The following SCN8A variants were observed in gnomAD, a reference collection of about 807,000 sequenced individuals.
The protein encoded by SCN8A is sodium voltage-gated channel alpha subunit 8, also known as sodium channel protein type 8 subunit alpha.
In SCN8A, 30 loss-of-function variants were observed where a neutral mutation model predicts 184.1. The ratio of observed to expected loss-of-function variants is 0.16; its 90% CI spans 0.12 to 0.22. SCN8A has a LOEUF of 0.22. SCN8A is among the 10% of genes least tolerant of loss of function. SCN8A has a pLI of 1.00. For missense variants in SCN8A, 1,057 were observed against 2,498.9 expected, an observed-to-expected ratio of 0.42 and a Z score of 12.30; for synonymous variants, 852 against 907.0, an observed-to-expected ratio of 0.94 and a Z score of 1.09.
At chr12:51,717,774 A>G (rs1396274619) in intron 11 of SCN8A, among the ~76,000 whole-genome samples, 1 of 152,220 alleles carries the variant, frequency 6.6e-6, no homozygotes, top group Non-Finnish European at 1.5e-5. Context: ...TCTCTGGTAC[A>G]AGGATGAGGC....
At chr12:51,695,086 C>A (rs926190796) in intron 6 of SCN8A, among the ~76,000 whole-genome samples, 1 of 152,168 alleles carries the variant, frequency 6.6e-6, no homozygotes, top group Non-Finnish European at 1.5e-5. Context: ...CACCTTTCTT[C>A]TTCTTTTTCC....
At chr12:51,625,048 G>A (rs904082367) in intron 1 of SCN8A, among the ~76,000 whole-genome samples, 1 of 151,878 alleles carries the variant, frequency 6.6e-6, no homozygotes, top group South Asian at 2.1e-4. Flanking sequence ...TTGAAAAAAC[G>A]TACATACCTT....
intron 19 of SCN8A, among the ~76,000 whole-genome samples, chr12:51,772,633 G>A (rs1207765549): frequency 6.6e-6 from 1 of 151,892 alleles, no homozygotes; most frequent in Non-Finnish European, 1.5e-5. Flanking sequence ...TATTTGCACC[G>A]AGACCCTGAG....
chr12:51,610,237 T>G (rs1484521063), intron 1 of SCN8A, among the ~76,000 whole-genome samples: 2 of 147,656 alleles, frequency 1.4e-5, no homozygotes, highest in Admixed American at 6.7e-5. Context: ...TTGTATGAAA[T>G]GCCTTTTTCC....
chr12:51,681,663 T>C (rs2138703863), intron 2 of SCN8A, among the ~76,000 whole-genome samples: 1 of 152,294 alleles, frequency 6.6e-6, no homozygotes, highest in Non-Finnish European at 1.5e-5. Flanking sequence ...ACCAGTATGC[T>C]CCATTACAGG....
intron 2 of SCN8A, among the ~76,000 whole-genome samples, chr12:51,663,683 T>C (rs1940969855): frequency 6.6e-6 from 1 of 152,150 alleles, no homozygotes. Flanking sequence ...TTCATGCAAG[T>C]AGGGAGCTCA....
intron 6 of SCN8A, among the ~76,000 whole-genome samples, chr12:51,697,046 AAAAAAAAT>A (rs1941605534): frequency 6.6e-6 from 1 of 151,452 alleles, no homozygotes; most frequent in African/African-American, 2.4e-5. Context: ...CTCAAAAAAA[AAAAAAAAT>A]GAAAAAGAAA....
chr12:51,683,887 C>T (rs1189679606), intron 2 of SCN8A, among the ~76,000 whole-genome samples: 1 of 152,170 alleles, frequency 6.6e-6, no homozygotes, highest in Non-Finnish European at 1.5e-5. Flanking sequence ...GTGTACAGAG[C>T]TGGCATAGAA....
At chr12:51,688,660 A>G in intron 5 of SCN8A, 1 of 787,172 alleles carries the variant, frequency 1.3e-6, no homozygotes, top group South Asian at 1.6e-5. Flanking sequence ...AGGAAAAAAA[A>G]TGAAACCATA....
At chr12:51,599,481 G>A (rs1939418655) in intron 1 of SCN8A, among the ~76,000 whole-genome samples, 1 of 152,222 alleles carries the variant, frequency 6.6e-6, no homozygotes, top group South Asian at 2.1e-4. Context: ...TGTACAAAGT[G>A]TTTTGGGGGA....
intron 1 of SCN8A, among the ~76,000 whole-genome samples, chr12:51,600,745 C>T (rs1226876405): frequency 1.3e-5 from 2 of 152,070 alleles, no homozygotes; most frequent in Non-Finnish European, 2.9e-5. Context: ...ATTATCAGAA[C>T]ATGGACATCA....
intron 1 of SCN8A, among the ~76,000 whole-genome samples, chr12:51,632,004 TAAGTAAAAC>T (rs907448330): frequency 4.3e-4 from 65 of 152,228 alleles, no homozygotes; most frequent in African/African-American, 1.5e-3. Context: ...TCCAGGGAAA[TAAGTAAAAC>T]AAGTAAAACA....
Position 51,706,712 on chromosome 12 carries a change from T to C in SCN8A, c.1632T>C (p.Asn544=). ...TAGGGAGGAAATTTTCCATCATGAA[T>C]CAGGTAAACTCTTCTTTTTTCTATA... ...NRIGRKFSIM[N]QSLLSIPGSP... is the part of the protein sequence containing the mutation. Residue 544 remains asparagine (N), a synonymous_variant, in exon 11 of 27, where the codon AAT becomes AAC. Coordinates refer to ENST00000627620, the MANE Select transcript of SCN8A (RefSeq NM_001330260.2). 1 of 1,524,878 alleles carries C rather than the reference T, an allele frequency of 6.6e-7. No homozygotes were observed. The highest frequency in any genetic ancestry group is 8.8e-7 in the Non-Finnish European group (1 of 1,141,876). The allele number at this position is 1,524,878 out of a possible 1,614,324, so 94.5% of individuals were successfully genotyped here. A position where few individuals can be genotyped will look rare whatever the true frequency, so the allele number is the denominator to read the frequency against.
intron 1 of SCN8A, among the ~76,000 whole-genome samples, chr12:51,607,628 GA>G (rs1266728378): frequency 1.3e-5 from 2 of 152,028 alleles, no homozygotes; most frequent in Non-Finnish European, 2.9e-5. Flanking sequence ...TGCTGAGAGG[GA>G]TCATAAAGCG....
intron 1 of SCN8A, among the ~76,000 whole-genome samples, chr12:51,641,217 G>A (rs1940447221): frequency 6.6e-6 from 1 of 152,146 alleles, no homozygotes. Context: ...AAAGTATATA[G>A]GAGGCTGTGC....
At chr12:51,684,114 G>A (rs189418643) in intron 2 of SCN8A, 60 bp from the exon 3 acceptor site, 2 of 848,886 alleles carry the variant, frequency 2.4e-6, no homozygotes, top group Admixed American at 1.7e-5. Context: ...AGAAATCATT[G>A]TTTCATGTGG....
chr12:51,653,137 A>G (rs1437517235), intron 1 of SCN8A, among the ~76,000 whole-genome samples: 1 of 152,120 alleles, frequency 6.6e-6, no homozygotes, highest in African/African-American at 2.4e-5. Flanking sequence ...CTGACCAACA[A>G]GGTGAAACCC....
chr12:51,776,447 T>C (rs1237331186), intron 20 of SCN8A, among the ~76,000 whole-genome samples: 3 of 152,242 alleles, frequency 2.0e-5, no homozygotes, highest in Non-Finnish European at 4.4e-5. Context: ...GTGCCAGTTA[T>C]TAGTAAATAA....
intron 1 of SCN8A, among the ~76,000 whole-genome samples, chr12:51,593,642 C>G (rs1426961980): frequency 6.6e-6 from 1 of 152,120 alleles, no homozygotes; most frequent in Non-Finnish European, 1.5e-5. Flanking sequence ...AGTTCCCCGA[C>G]CAGTTCTGCG....
Sources: allele counts gnomAD v4.1 joint callset (sites outside exome capture counted in the v4.1 genomes callset), GRCh38; gene constraint gnomAD v4.1.1; transcripts MANE v1.5; gene names NCBI Gene and HGNC (gene_info 2026-07-23, HGNC 2026-07-21).